Variants in CACUL1 observed in about 807,000 individuals in gnomAD.
CACUL1 encodes the protein CDK2 associated cullin domain 1.
CACUL1 carries 13 observed loss-of-function variants against 45.2 expected under a neutral mutation model. The observed-to-expected ratio is 0.29, with a 90% CI of 0.19 to 0.46. The LOEUF (loss-of-function observed/expected upper bound fraction) is 0.46. Among genes scored for constraint, CACUL1 ranks in the 20% least tolerant of loss-of-function variants. The pLI, the probability that CACUL1 is intolerant of heterozygous loss-of-function variation, is 1.00. For missense variants in CACUL1, 421 were observed against 471.4 expected, an observed-to-expected ratio of 0.89 and a Z score of 0.99; for synonymous variants, 197 against 174.2, an observed-to-expected ratio of 1.13 and a Z score of -1.03.
intron 4 of CACUL1, among the ~76,000 whole-genome samples, chr10:118,701,739 A>G (rs1316800281): frequency 6.6e-6 from 1 of 152,220 alleles, no homozygotes; most frequent in Non-Finnish European, 1.5e-5. Flanking sequence ...CATGAGAAAC[A>G]CTAATGAAAA....
At position 118,743,442 on chromosome 10, in the gene CACUL1, T is replaced by G. The variant is rs182375717; in HGVS notation, c.367+10954A>C. Among the ~76,000 whole-genome samples, 601 of 152,066 alleles carry G rather than the reference T, an allele frequency of 4.0e-3. 5 individuals carry two copies. The highest frequency in any genetic ancestry group is 0.012 in the African/African-American group (494 of 41,456). ...AGGAAAAAAAGGGGCATATTATATATAGAGAAACAAAGATAAGACTATACA... is the reference window on the plus strand; with the variant it reads ...AGGAAAAAAAGGGGCATATTATATAGAGAGAAACAAAGATAAGACTATACA... On this transcript the variant is annotated intron_variant, in intron 1 of 8. Coordinates refer to ENST00000369151, the MANE Select transcript of CACUL1 (RefSeq NM_153810.5).
At position 118,707,628 on chromosome 10, in the gene CACUL1, G is replaced by T. The variant is rs188701260; in HGVS notation, c.598-41C>A. The T allele has an allele frequency of 1.7e-5, 15 of 896,644 alleles. No individual in the cohort carries two copies. The East Asian group carries it at 3.7e-4, about 22-fold the overall frequency. 55.5% of individuals were successfully genotyped at this position (896,644 alleles called of 1,614,324 possible). A position where few individuals can be genotyped will look rare whatever the true frequency, so the allele number is the denominator to read the frequency against. ...GAAGTGTGATCAATCTGGGAAACCA[G>T]GGAAAGACCTTCCACCATAATTTGA... is the stretch of plus-strand genomic sequence containing the variant. On this transcript the variant is annotated intron_variant, in intron 3 of 8. Transcript: ENST00000369151.
intron 3 of CACUL1, among the ~76,000 whole-genome samples, chr10:118,719,381 C>T (rs954492410): frequency 1.1e-4 from 16 of 152,170 alleles, no homozygotes; most frequent in African/African-American, 3.9e-4. Context: ...GCAAAAACTA[C>T]TAATGGGTAA....
chr10:118,723,750 C>T (rs932171712), intron 3 of CACUL1, among the ~76,000 whole-genome samples: 1 of 152,092 alleles, frequency 6.6e-6, no homozygotes, highest in Non-Finnish European at 1.5e-5. Context: ...TAAGCTTAAT[C>T]GAGGCTCTAG....
chr10:118,752,711 G>A (rs1845909608), intron 1 of CACUL1, among the ~76,000 whole-genome samples: 1 of 152,160 alleles, frequency 6.6e-6, no homozygotes, highest in African/African-American at 2.4e-5. Flanking sequence ...GTTAAAGTAT[G>A]GTGGAACTCA....
At chr10:118,735,125 G>A (rs921556108) in intron 1 of CACUL1, among the ~76,000 whole-genome samples, 5 of 152,180 alleles carry the variant, frequency 3.3e-5, no homozygotes, top group Non-Finnish European at 5.9e-5. Context: ...TCTGTAAAGC[G>A]AATTAACTTC....
At chr10:118,731,253 C>T (rs1845695146) in intron 1 of CACUL1, among the ~76,000 whole-genome samples, 2 of 152,112 alleles carry the variant, frequency 1.3e-5, no homozygotes, top group African/African-American at 4.8e-5. Context: ...AACAACGAGA[C>T]CAGGTATTTC....
chr10:118,738,892 T>A (rs1464881137), intron 1 of CACUL1, among the ~76,000 whole-genome samples: 7 of 62,256 alleles, frequency 1.1e-4, no homozygotes, highest in African/African-American at 2.5e-4. Context: ...CAAGTGCTCT[T>A]AAAAAAAAAA....
intron 1 of CACUL1, among the ~76,000 whole-genome samples, chr10:118,753,113 T>G (rs891714902): frequency 2.6e-5 from 4 of 152,238 alleles, no homozygotes; most frequent in African/African-American, 9.6e-5. Context: ...TCTTCCTTCG[T>G]GACTCAGGTG....
At chr10:118,701,282 A>T in intron 5 of CACUL1, 24 bp downstream of exon 5, 2 of 1,300,650 alleles carry the variant, frequency 1.5e-6, no homozygotes, top group South Asian at 2.9e-5. Context: ...GTGTTATCTC[A>T]CCCGTATAAG....
intron 6 of CACUL1, among the ~76,000 whole-genome samples, chr10:118,691,862 G>T (rs1233681006): frequency 1.4e-5 from 1 of 72,500 alleles, no homozygotes; most frequent in Non-Finnish European, 2.4e-5. Context: ...GCGAGACTCC[G>T]TCTCAAAAAA....
At chr10:118,751,749 C>T (rs899420628) in intron 1 of CACUL1, among the ~76,000 whole-genome samples, 5 of 152,130 alleles carry the variant, frequency 3.3e-5, no homozygotes, top group Admixed American at 6.5e-5. Context: ...GTAATTTTGA[C>T]GTCATTTAAA....
intron 1 of CACUL1, among the ~76,000 whole-genome samples, chr10:118,752,894 A>T (rs1845910975): frequency 6.6e-6 from 1 of 152,000 alleles, no homozygotes; most frequent in Non-Finnish European, 1.5e-5. Context: ...TCTTTTTTTA[A>T]TCTGATATTT....
chr10:118,726,985 AAGCT>A (rs1845657743), intron 3 of CACUL1, among the ~76,000 whole-genome samples: 1 of 152,208 alleles, frequency 6.6e-6, no homozygotes, highest in South Asian at 2.1e-4. Flanking sequence ...AATCATTTTG[AAGCT>A]AGACTTTTCA....
At chr10:118,754,285 G>GAAAC in intron 1 of CACUL1, 111 bp downstream of exon 1, 1 of 1,408,358 alleles carries the variant, frequency 7.1e-7, no homozygotes, top group Non-Finnish European at 9.3e-7. Context: ...GGGAGAAGAG[G>GAAAC]AAAGACCGAG....
At chr10:118,743,339 C>CCA (rs1332850291) in intron 1 of CACUL1, among the ~76,000 whole-genome samples, 1 of 151,676 alleles carries the variant, frequency 6.6e-6, no homozygotes, top group Non-Finnish European at 1.5e-5. Context: ...TTCTAAAACC[C>CCA]CACAAATCCA....
intron 3 of CACUL1, among the ~76,000 whole-genome samples, chr10:118,718,445 T>A (rs895907562): frequency 1.3e-5 from 2 of 152,192 alleles, no homozygotes; most frequent in African/African-American, 4.8e-5. Flanking sequence ...TTAAGTACAG[T>A]TGTTTTGAAA....
rs542420070 is a variant in CACUL1 at position 118,679,673 on chromosome 10, C to G, written c.*6455G>C. On this transcript the variant is annotated 3_prime_UTR_variant, in exon 9 of 9. Coordinates refer to ENST00000369151, the MANE Select transcript of CACUL1 (RefSeq NM_153810.5). Reference sequence around the variant, plus strand: ...AGCTGGGATTACAGTCGTGTACCCCCACGCCCAGCTAATTTTTGTATTTTC... The same window carrying G: ...AGCTGGGATTACAGTCGTGTACCCCGACGCCCAGCTAATTTTTGTATTTTC... 18 of 151,918 alleles carry G rather than the reference C, an allele frequency of 1.2e-4. No homozygotes were observed. Among genetic ancestry groups the G allele is most frequent in the African/African-American group, 3.9e-4 (16 of 41,398 alleles). 9.4% of individuals were successfully genotyped at this position (151,918 alleles called of 1,614,324 possible).
intron 3 of CACUL1, among the ~76,000 whole-genome samples, chr10:118,709,518 GAGTGTTGGGGGACGAGCATGGTACA>G (rs1180026579): frequency 1.3e-5 from 2 of 152,212 alleles, no homozygotes; most frequent in Non-Finnish European, 1.5e-5. Flanking sequence ...TCCTGGGTCA[GAGTGTTGGGGGACGAGCATGGTACA>G]AAACACAATG....
Sources: allele counts gnomAD v4.1 joint callset (sites outside exome capture counted in the v4.1 genomes callset), GRCh38; gene constraint gnomAD v4.1.1; transcripts MANE v1.5; gene names NCBI Gene and HGNC (gene_info 2026-07-23, HGNC 2026-07-21).